The following CSMD1 variants were observed in gnomAD, a reference collection of about 807,000 sequenced individuals.
CSMD1 encodes CUB and Sushi multiple domains 1.
Under a neutral mutation model 417.5 loss-of-function variants are expected in CSMD1, and 213 were observed. That is an observed-to-expected ratio of 0.51 (90% confidence interval 0.46 to 0.57). The LOEUF is 0.57. Among genes scored for constraint, CSMD1 ranks in the 20% least tolerant of loss-of-function variants. CSMD1 has a pLI of 0.00. For missense variants in CSMD1, 6,923 were observed against 4,529.7 expected (o/e 1.53, Z -15.17); for synonymous variants, 2,862 against 1,736.8 (o/e 1.65, Z -16.11).
At position 2,957,735 on chromosome 8, in the gene CSMD1, C is replaced by T. The variant is rs777848732; in HGVS notation, c.9775G>A (p.Ala3259Thr). Residue 3259 changes from alanine (A) to threonine (T), a missense_variant, in exon 63 of 70, where the codon GCC becomes ACC. By Grantham distance (58) the Ala-to-Thr change is moderately conservative. Coordinates refer to ENST00000635120, the MANE Select transcript of CSMD1 (RefSeq NM_033225.6). The stretch of plus-strand genomic sequence containing the variant: ...TGTATCCCACTCCATGTTAAATTGG[C>T]AAGGCAGGTGCGAGTCGTGGAACCT... ...IQGSTTRTCLANLTWSGIQTE... is the reference protein window; with the variant it reads ...IQGSTTRTCLTNLTWSGIQTE... The T allele has an allele frequency of 7.5e-6, 12 of 1,599,204 alleles. No individual in the cohort carries two copies. In the South Asian group the frequency reaches 1.3e-4, roughly 17 times the overall value.
At chr8:4,132,919 T>A (rs1031936753) in intron 3 of CSMD1, among the ~76,000 whole-genome samples, 1 of 152,142 alleles carries the variant, frequency 6.6e-6, no homozygotes, top group Non-Finnish European at 1.5e-5. Context: ...CTGAAGACTA[T>A]GGTAAAAGTC....
intron 5 of CSMD1, among the ~76,000 whole-genome samples, chr8:3,941,757 T>C (rs1265516963): frequency 6.6e-6 from 1 of 152,208 alleles, no homozygotes; most frequent in Non-Finnish European, 1.5e-5. Context: ...TAAAACAGCA[T>C]GGACACACAC....
chr8:4,428,375 CTTG>C (rs1797684267), intron 2 of CSMD1, among the ~76,000 whole-genome samples: 1 of 152,150 alleles, frequency 6.6e-6, no homozygotes, highest in Non-Finnish European at 1.5e-5. Context: ...TTCTAGGTAG[CTTG>C]TTATCTTCCT....
chr8:3,810,775 C>T, intron 5 of CSMD1, among the ~76,000 whole-genome samples: 1 of 152,226 alleles, frequency 6.6e-6, no homozygotes, highest in African/African-American at 2.4e-5. Flanking sequence ...CATGGTGTTG[C>T]ATCACTGGGT....
At position 4,852,781 on chromosome 8, in the gene CSMD1, G is replaced by A. The variant is rs560895638; in HGVS notation, c.85+141551C>T. 8.5e-5 allele frequency among the ~76,000 whole-genome samples: 13 copies of A among 152,248 alleles called. No individual in the cohort carries two copies. The East Asian group carries it at 2.1e-3, about 25-fold the overall frequency. ...TAGAAATGTGGACAGTGATGGGCAG[G>A]CTGATGAGGTCTTAGATGAAAATGA... On this transcript the variant is annotated intron_variant, in intron 1 of 69. Transcript: ENST00000635120.
chr8:4,506,889 G>A (rs1372025480), intron 2 of CSMD1, among the ~76,000 whole-genome samples: 2 of 152,030 alleles, frequency 1.3e-5, no homozygotes, highest in Non-Finnish European at 2.9e-5. Flanking sequence ...AATAATTAGG[G>A]AGCATTTAAT....
At chr8:4,062,787 C>G (rs1233396515) in intron 3 of CSMD1, among the ~76,000 whole-genome samples, 1 of 150,922 alleles carries the variant, frequency 6.6e-6, no homozygotes, top group Admixed American at 6.6e-5. Flanking sequence ...ATTGTTCAAA[C>G]CCAGTATCTG....
intron 5 of CSMD1, among the ~76,000 whole-genome samples, chr8:3,996,009 C>G (rs375644655): frequency 1.3e-5 from 2 of 152,202 alleles, no homozygotes; most frequent in Admixed American, 6.5e-5. Flanking sequence ...CTGATACTCT[C>G]TATGACAAGG....
intron 2 of CSMD1, among the ~76,000 whole-genome samples, chr8:4,518,328 A>G (rs1296145604): frequency 6.6e-6 from 1 of 152,150 alleles, no homozygotes; most frequent in African/African-American, 2.4e-5. Flanking sequence ...CATCTTCAGG[A>G]TAAAAGATTC....
chr8:3,298,880 C>G (rs534658995), intron 25 of CSMD1, among the ~76,000 whole-genome samples: 1 of 152,284 alleles, frequency 6.6e-6, no homozygotes, highest in African/African-American at 2.4e-5. Context: ...TTTTCCCTTT[C>G]TTTATCTGAG....
intron 6 of CSMD1, among the ~76,000 whole-genome samples, chr8:3,709,623 T>G (rs1454187055): frequency 6.9e-6 from 1 of 145,282 alleles, no homozygotes; most frequent in Non-Finnish European, 1.5e-5. Context: ...AAGGCTGATC[T>G]GCCCCAGTAG....
Position 3,476,962 on chromosome 8 carries a change from G to C in CSMD1, c.1449-8138C>G, listed in dbSNP as rs1413656563. Among the ~76,000 whole-genome samples, 7 of 151,286 alleles carry C rather than the reference G, an allele frequency of 4.6e-5. No homozygotes were observed. The East Asian group carries it at 1.4e-3, about 29-fold the overall frequency. On this transcript the variant is annotated intron_variant, in intron 11 of 69. Transcript: ENST00000635120. ...AATCAGTAAGTAGTTCAGGGTTTAA[G>C]TTGGGGGAGCCTGTCAACACAAAGG...
intron 3 of CSMD1, among the ~76,000 whole-genome samples, chr8:4,215,198 C>A (rs1800568299): frequency 6.6e-6 from 1 of 152,214 alleles, no homozygotes; most frequent in Non-Finnish European, 1.5e-5. Flanking sequence ...GGCATAAAGG[C>A]TTAACCAGCT....
chr8:4,237,897 C>G (rs1802163167), intron 3 of CSMD1, among the ~76,000 whole-genome samples: 1 of 152,088 alleles, frequency 6.6e-6, no homozygotes. Context: ...AGAAGTCTAT[C>G]TAAATAATAA....
intron 46 of CSMD1, among the ~76,000 whole-genome samples, chr8:3,103,533 C>T (rs149712494): frequency 9.2e-5 from 14 of 152,070 alleles, no homozygotes; most frequent in African/African-American, 2.4e-4. Context: ...TGCGTGGCCC[C>T]GTAGTACTGC....
At chr8:3,382,562 T>G in intron 18 of CSMD1, among the ~76,000 whole-genome samples, 1 of 38,700 alleles carries the variant, frequency 2.6e-5, no homozygotes. Context: ...TATGTCTTTC[T>G]CTATATATAT....
intron 2 of CSMD1, among the ~76,000 whole-genome samples, chr8:4,422,929 CAAG>C (rs1563157451): frequency 6.6e-6 from 1 of 151,860 alleles, no homozygotes; most frequent in African/African-American, 2.4e-5. Context: ...AGTAAAATCA[CAAG>C]ATCATAGTAA....
chr8:4,830,003 C>G (rs893798444), intron 1 of CSMD1, among the ~76,000 whole-genome samples: 19 of 152,170 alleles, frequency 1.2e-4, no homozygotes, highest in African/African-American at 4.6e-4. Context: ...TCCGTGCTCT[C>G]GTGATGAACT....
At chr8:4,430,778 T>C (rs911559163) in intron 2 of CSMD1, among the ~76,000 whole-genome samples, 1 of 152,180 alleles carries the variant, frequency 6.6e-6, no homozygotes, top group Admixed American at 6.6e-5. Flanking sequence ...TCAAACCATT[T>C]ACAAATGACA....
Sources: gnomAD v4.1 joint callset for allele counts (sites outside exome capture counted in the v4.1 genomes callset) on GRCh38, gnomAD v4.1.1 for gene constraint, MANE v1.5 for transcripts, NCBI Gene and HGNC (gene_info 2026-07-23, HGNC 2026-07-21) for gene names.